MYT1L: variants seen among roughly 807,000 people sequenced by gnomAD.
MYT1L encodes the protein myelin transcription factor 1-like protein.
In MYT1L, 12 loss-of-function variants were observed where a neutral mutation model predicts 126.7. The ratio of observed to expected loss-of-function variants is 0.09; its 90% CI spans 0.06 to 0.15. MYT1L has a LOEUF of 0.15. Among genes scored for constraint, MYT1L ranks in the 10% least tolerant of loss-of-function variants. MYT1L has a pLI of 1.00. For synonymous variants in MYT1L, 541 were observed against 604.2 expected (o/e 0.90, Z 1.53); for missense variants, 979 against 1,585.2 (o/e 0.62, Z 6.49).
At chr2:1,892,798 T>C (rs73186644) in intron 14 of MYT1L, among the ~76,000 whole-genome samples, 15,352 of 152,164 alleles carry the variant, frequency 0.1, 1,541 homozygotes, top group African/African-American at 0.27. Flanking sequence ...GGCTGTTCCT[T>C]TCAGCCAGAG....
At chr2:2,121,901 T>C (rs1350105438) in intron 3 of MYT1L, among the ~76,000 whole-genome samples, 2 of 152,180 alleles carry the variant, frequency 1.3e-5, no homozygotes, top group East Asian at 1.9e-4. Context: ...CTATCAATGA[T>C]TGTTTCTGCC....
In MYT1L at chr2:1,887,648, C is replaced by T; in HGVS notation, c.2521-39G>A. ...ACAGCTTCAGAGCCACACGGATGAT[C>T]ACATGGCACACAGACTGAGGGAGGT... On this transcript the variant is annotated intron_variant, in intron 16 of 24. Coordinates refer to ENST00000647738, the MANE Select transcript of MYT1L (RefSeq NM_001303052.2). This position sits in a 1 kb window ranked among gnomAD's most constrained non-coding sequence, Gnocchi z 4.8. 6.2e-7 allele frequency: 1 copy of T among 1,613,632 alleles called. No individual in the cohort carries two copies. Among genetic ancestry groups the T allele is most frequent in the Non-Finnish European group, 8.5e-7 (1 of 1,179,710 alleles).
At chr2:2,183,202 G>T (rs2091725392) in intron 2 of MYT1L, among the ~76,000 whole-genome samples, 1 of 152,164 alleles carries the variant, frequency 6.6e-6, no homozygotes, top group South Asian at 2.1e-4. Context: ...GAACCTCCTG[G>T]CCTCCCCTAG....
At chr2:2,153,837 T>C (rs902229588) in intron 3 of MYT1L, among the ~76,000 whole-genome samples, 12 of 151,400 alleles carry the variant, frequency 7.9e-5, no homozygotes, top group South Asian at 2.1e-4. Flanking sequence ...TCTGAAGAGG[T>C]TGGCAGCAAG....
chr2:1,824,004 C>A (rs558095880), intron 21 of MYT1L, among the ~76,000 whole-genome samples: 15 of 152,174 alleles, frequency 9.9e-5, no homozygotes, highest in Admixed American at 5.2e-4. Context: ...CGCCTCCCCC[C>A]CCAGCGGGGC....
At chr2:1,957,941 C>T (rs1208784644) in intron 8 of MYT1L, among the ~76,000 whole-genome samples, 1 of 152,134 alleles carries the variant, frequency 6.6e-6, no homozygotes, top group East Asian at 1.9e-4. Context: ...GCTGAAAAGG[C>T]TTCAACCCAT....
Position 1,917,445 on chromosome 2 carries a change from G to C in MYT1L, c.1484-106C>G, listed in dbSNP as rs968594555. ...CTTGCTAAAGAAAGAAATAAAGCAG[G>C]TGTCGGGGGCTAGGCTGTGACATCA... On this transcript the variant is annotated intron_variant, in intron 10 of 24. Transcript: ENST00000647738. This position sits in a 1 kb window ranked among gnomAD's most constrained non-coding sequence, Gnocchi z 5.9. 36 of 1,377,016 alleles carry C rather than the reference G, an allele frequency of 2.6e-5. No homozygotes were observed. The highest frequency in any genetic ancestry group is 1.3e-4 in the Admixed American group (6 of 46,606). The allele number at this position is 1,377,016 out of a possible 1,614,324, so 85.3% of individuals were successfully genotyped here.
intron 4 of MYT1L, among the ~76,000 whole-genome samples, chr2:2,053,016 C>G (rs1306596503): frequency 1.3e-5 from 2 of 152,154 alleles, no homozygotes; most frequent in African/African-American, 4.8e-5. Context: ...TTCACAGTAG[C>G]TGAAAGGTGG....
At chr2:2,114,329 T>C (rs921984668) in intron 3 of MYT1L, among the ~76,000 whole-genome samples, 7 of 152,246 alleles carry the variant, frequency 4.6e-5, no homozygotes, top group Non-Finnish European at 1.0e-4. Context: ...AAGGTTACCA[T>C]GAAGTCTGTG....
intron 4 of MYT1L, among the ~76,000 whole-genome samples, chr2:2,020,714 C>T (rs1473458486): frequency 6.6e-6 from 1 of 152,194 alleles, no homozygotes; most frequent in Non-Finnish European, 1.5e-5. Context: ...GATCTACTTA[C>T]ATTCATCAGT....
intron 5 of MYT1L, among the ~76,000 whole-genome samples, chr2:1,991,250 C>A (rs184629204): frequency 2.5e-4 from 38 of 152,268 alleles, no homozygotes; most frequent in Admixed American, 5.2e-4. Context: ...TGGATCCCAC[C>A]TACGCTTCCA....
chr2:2,176,697 C>T (rs1407612314), intron 2 of MYT1L, among the ~76,000 whole-genome samples: 3 of 152,034 alleles, frequency 2.0e-5, no homozygotes, highest in African/African-American at 4.8e-5. Flanking sequence ...CGGGGTTTCA[C>T]CATGTTGGCC....
At chr2:2,137,877 G>C (rs1056236355) in intron 3 of MYT1L, among the ~76,000 whole-genome samples, 4 of 152,080 alleles carry the variant, frequency 2.6e-5, no homozygotes, top group Admixed American at 6.5e-5. Flanking sequence ...CACAGCAAAA[G>C]AAACTACCAT....
chr2:1,863,153 C>A (rs915507897), intron 18 of MYT1L, among the ~76,000 whole-genome samples: 1 of 152,138 alleles, frequency 6.6e-6, no homozygotes, highest in Admixed American at 6.5e-5. Flanking sequence ...AAAAACAGGG[C>A]CTGCTTCCTT....
chr2:2,065,377 T>C (rs2071096188), intron 3 of MYT1L, among the ~76,000 whole-genome samples: 1 of 152,190 alleles, frequency 6.6e-6, no homozygotes, highest in Admixed American at 6.5e-5. Context: ...TATAGCAATA[T>C]AAAAACCTTG....
chr2:2,148,949 G>A (rs1457411257), intron 3 of MYT1L, among the ~76,000 whole-genome samples: 1 of 152,014 alleles, frequency 6.6e-6, no homozygotes, highest in Admixed American at 6.6e-5. Flanking sequence ...GCCTCCCCCT[G>A]CTCCAGTAAG....
chr2:1,983,182 G>A (rs1004712959), intron 5 of MYT1L, among the ~76,000 whole-genome samples: 1 of 152,008 alleles, frequency 6.6e-6, no homozygotes, highest in Non-Finnish European at 1.5e-5. Context: ...CTCCTCCGTC[G>A]GTTCCTTCCA....
intron 23 of MYT1L, chr2:1,795,787 AG>A (rs1572290528): frequency 6.6e-6 from 1 of 152,374 alleles, no homozygotes; most frequent in East Asian, 1.9e-4. Context: ...TCAGGCTGCT[AG>A]GAAGCAGTGC....
intron 5 of MYT1L, among the ~76,000 whole-genome samples, chr2:1,985,878 A>G (rs1560623): frequency 0.43 from 66,129 of 152,040 alleles, 16,925 homozygotes; most frequent in African/African-American, 0.72. Context: ...AGGACACCAC[A>G]CCAGCCTGTG....
Sources: allele counts gnomAD v4.1 joint callset (sites outside exome capture counted in the v4.1 genomes callset), GRCh38; gene constraint gnomAD v4.1.1; non-coding constraint Gnocchi (gnomAD v3.1); transcripts MANE v1.5; gene names NCBI Gene and HGNC (gene_info 2026-07-23, HGNC 2026-07-21).